Variants in CERKL observed in about 807,000 individuals in gnomAD.
CERKL encodes ceramide kinase-like protein.
A neutral mutation model predicts 63.4 loss-of-function variants in CERKL; 61 were observed. That is an observed-to-expected ratio of 0.96 (90% CI 0.78 to 1.19). The LOEUF is 1.19. Ranked by LOEUF, CERKL falls within the 50% of genes most tolerant of loss-of-function variation. The pLI, the probability that CERKL is intolerant of heterozygous loss-of-function variation, is 0.00. For synonymous variants in CERKL, 250 were observed against 230.5 expected (o/e 1.08, Z -0.77); for missense variants, 675 against 655.5 (o/e 1.03, Z -0.33).
At chr2:181,573,929 AT>A (rs759149128) in intron 2 of CERKL, 45 bp from the exon 3 acceptor site, 39 of 1,587,604 alleles carry the variant, frequency 2.5e-5, no homozygotes, top group African/African-American at 9.4e-5. Context: ...CCTTGTCATC[AT>A]TTTTTTTCTT....
chr2:181,579,515 G>A (rs1000476272), intron 2 of CERKL, among the ~76,000 whole-genome samples: 2 of 151,752 alleles, frequency 1.3e-5, no homozygotes, highest in African/African-American at 4.9e-5. Flanking sequence ...AAGAAAACTA[G>A]GCTTGTTATG....
chr2:181,636,264 G>C (rs1044041017), intron 1 of CERKL, among the ~76,000 whole-genome samples: 1 of 152,178 alleles, frequency 6.6e-6, no homozygotes, highest in African/African-American at 2.4e-5. Context: ...GCCCAAGCTA[G>C]AAATCTCACC....
At chr2:181,578,297 G>C (rs1684346529) in intron 2 of CERKL, among the ~76,000 whole-genome samples, 1 of 152,004 alleles carries the variant, frequency 6.6e-6, no homozygotes, top group African/African-American at 2.4e-5. Context: ...GAAAGAGAGA[G>C]AGAGAAAAGA....
intron 2 of CERKL, among the ~76,000 whole-genome samples, chr2:181,580,549 T>C (rs80346672): frequency 0.026 from 4,027 of 152,254 alleles, 80 homozygotes; most frequent in South Asian, 0.048. Flanking sequence ...ATTTGACTAA[T>C]AGTGCTCATA....
At chr2:181,641,340 TATATAC>T (rs1455978335) in intron 1 of CERKL, among the ~76,000 whole-genome samples, 1,695 of 5,876 alleles carry the variant, frequency 0.29, 11 homozygotes, top group Non-Finnish European at 0.34. Context: ...TATATATATA[TATATAC>T]ATATATATAC....
At chr2:181,622,049 T>C (rs1686478495) in intron 1 of CERKL, among the ~76,000 whole-genome samples, 1 of 152,182 alleles carries the variant, frequency 6.6e-6, no homozygotes, top group African/African-American at 2.4e-5. Flanking sequence ...AAAAATATCA[T>C]TTATATAGAT....
At chr2:181,629,878 AAT>A (rs2105475791) in intron 1 of CERKL, among the ~76,000 whole-genome samples, 1 of 152,046 alleles carries the variant, frequency 6.6e-6, no homozygotes, top group East Asian at 1.9e-4. Context: ...AAGCCATTTT[AAT>A]ATGTTCCTTC....
At chr2:181,616,421 C>T (rs886769546) in intron 1 of CERKL, among the ~76,000 whole-genome samples, 3 of 151,902 alleles carry the variant, frequency 2.0e-5, no homozygotes, top group African/African-American at 7.3e-5. Flanking sequence ...ACTGTGTTAG[C>T]CAGGACGGTC....
intron 1 of CERKL, among the ~76,000 whole-genome samples, chr2:181,606,798 C>A (rs181199294): frequency 9.9e-5 from 15 of 152,182 alleles, no homozygotes; most frequent in African/African-American, 2.7e-4. Context: ...ATCAAACAAT[C>A]ATTACTATTA....
chr2:181,581,177 A>G (rs1684493079), intron 2 of CERKL, among the ~76,000 whole-genome samples: 1 of 152,178 alleles, frequency 6.6e-6, no homozygotes, highest in Non-Finnish European at 1.5e-5. Context: ...CAGTTCAGTA[A>G]TGTGGCCAGG....
At chr2:181,578,631 G>T (rs1574467053) in intron 2 of CERKL, among the ~76,000 whole-genome samples, 1 of 152,028 alleles carries the variant, frequency 6.6e-6, no homozygotes, top group South Asian at 2.1e-4. Flanking sequence ...ATACAAAAAT[G>T]CACGTATATT....
At chr2:181,645,523 G>A (rs1334483077) in intron 1 of CERKL, among the ~76,000 whole-genome samples, 3 of 152,184 alleles carry the variant, frequency 2.0e-5, no homozygotes, top group Non-Finnish European at 2.9e-5. Flanking sequence ...GCTTAAAGTT[G>A]GCTTTGGACT....
intron 2 of CERKL, among the ~76,000 whole-genome samples, chr2:181,601,726 T>C (rs576677531): frequency 1.3e-5 from 2 of 152,312 alleles, no homozygotes; most frequent in South Asian, 4.1e-4. Flanking sequence ...CCTCCCTGAG[T>C]CCACTTTGGT....
At chr2:181,653,764 G>A (rs551659994) in intron 1 of CERKL, among the ~76,000 whole-genome samples, 1 of 152,326 alleles carries the variant, frequency 6.6e-6, no homozygotes, top group South Asian at 2.1e-4. Context: ...AGGGGAGAAG[G>A]AAGGATGGAG....
intron 2 of CERKL, among the ~76,000 whole-genome samples, chr2:181,599,399 T>G (rs1574485519): frequency 6.6e-6 from 1 of 151,272 alleles, no homozygotes. Flanking sequence ...TAGTCGGGGG[T>G]GGTGGCACTC....
chr2:181,650,043 C>T (rs1476424546), intron 1 of CERKL: 2 of 128,404 alleles, frequency 1.6e-5, no homozygotes, highest in African/African-American at 3.0e-5. Context: ...CAAGATCGTG[C>T]CTCTGCACTT....
At chr2:181,623,699 G>T (rs1031549063) in intron 1 of CERKL, among the ~76,000 whole-genome samples, 2 of 152,242 alleles carry the variant, frequency 1.3e-5, no homozygotes, top group Non-Finnish European at 2.9e-5. Context: ...GTAGGTACGG[G>T]TCTAGAATCT....
rs1687291789 is a variant in CERKL at position 181,538,216 on chromosome 2, C to T, written c.1567G>A (p.Gly523Arg). Reference protein sequence around the residue: ...RLHPRLISLYGGSMEEMIPK With the variant: ...RLHPRLISLYRGSMEEMIPK ...GGAATCATTTCTTCCATGCTTCCTC[C>T]ATAAAGACTGATAAGTCTTGGATGC... The change falls in exon 13 of 13, where the codon GGA (glycine) becomes AGA (arginine). Residue 523 changes from glycine (G) to arginine (R), a missense_variant. Gly to Arg is a moderately radical substitution (Grantham distance 125). Transcript: ENST00000410087. 3 of 1,590,416 alleles carry T rather than the reference C, an allele frequency of 1.9e-6. No individual in the cohort carries two copies. The highest frequency in any genetic ancestry group is 3.3e-5 in the Admixed American group (2 of 59,892).
chr2:181,606,408 G>A (rs1174609280), intron 1 of CERKL, among the ~76,000 whole-genome samples: 1 of 7,376 alleles, frequency 1.4e-4, no homozygotes. Context: ...GGGGAGGGGA[G>A]GGGAGAGGAG....
Sources: gnomAD v4.1 joint callset for allele counts (sites outside exome capture counted in the v4.1 genomes callset) on GRCh38, gnomAD v4.1.1 for gene constraint, MANE v1.5 for transcripts, NCBI Gene and HGNC (gene_info 2026-07-23, HGNC 2026-07-21) for gene names.